Variants in APP observed in about 807,000 individuals in gnomAD.
APP encodes amyloid beta precursor protein.
Under a neutral mutation model 101.4 loss-of-function variants are expected in APP, and 31 were observed. The observed-to-expected ratio is 0.31, with a 90% CI of 0.23 to 0.41. The LOEUF (loss-of-function observed/expected upper bound fraction) is 0.41. Among genes scored for constraint, APP ranks in the 10% least tolerant of loss-of-function variants. The probability of loss-of-function intolerance (pLI) is 1.00; values close to 1 mark genes in which losing one functional copy is unlikely to be tolerated. For synonymous variants in APP, 366 were observed against 364.4 expected (o/e 1.00, Z -0.05); for missense variants, 839 against 1,003.7 (o/e 0.84, Z 2.22).
chr21:25,989,815 T>A (rs183853257), intron 8 of APP, among the ~76,000 whole-genome samples: 3 of 152,268 alleles, frequency 2.0e-5, no homozygotes. Context: ...ATCATTTATA[T>A]ATGAGTGAAA....
chr21:26,108,197 C>T (rs2062227850), intron 2 of APP, among the ~76,000 whole-genome samples: 1 of 152,136 alleles, frequency 6.6e-6, no homozygotes, highest in Non-Finnish European at 1.5e-5. Flanking sequence ...CTCACTGCCA[C>T]GTGAAACGTC....
At chr21:26,054,000 T>TTA (rs545473601) in intron 3 of APP, among the ~76,000 whole-genome samples, 292 of 152,324 alleles carry the variant, frequency 1.9e-3, no homozygotes, top group African/African-American at 6.7e-3. Flanking sequence ...AAGTCCTACA[T>TTA]GAACTCAGTC....
At chr21:26,002,547 T>A (rs990154220) in intron 6 of APP, among the ~76,000 whole-genome samples, 2 of 152,210 alleles carry the variant, frequency 1.3e-5, no homozygotes, top group Non-Finnish European at 2.9e-5. Context: ...GACACAACAA[T>A]ACCCATTATT....
Position 26,105,068 on chromosome 21 carries a change from CAA to C in APP, c.225+6909_225+6910del, listed in dbSNP as rs10579923. ...ACTAATGGTTTCCACGCATTTTTTT[CAA>C]AAAAAAAAAAAAAAAAAAAGAAGAA... On this transcript the variant is annotated intron_variant, in intron 2 of 17. Coordinates refer to ENST00000346798, the MANE Select transcript of APP (RefSeq NM_000484.4). Among the ~76,000 whole-genome samples the C allele has an allele frequency of 7.5e-3, 825 of 110,478 alleles. 5 individuals are homozygous for C. Among genetic ancestry groups the C allele is most frequent in the African/African-American group, 0.022 (600 of 26,824 alleles). 72.5% of individuals were successfully genotyped at this position (110,478 alleles called of 152,430 possible).
At chr21:25,907,035 T>A (rs1044998455) in intron 14 of APP, among the ~76,000 whole-genome samples, 15 of 152,204 alleles carry the variant, frequency 9.9e-5, no homozygotes, top group African/African-American at 3.4e-4. Flanking sequence ...GAACTTCAGT[T>A]GTGTCACAAA....
intron 5 of APP, among the ~76,000 whole-genome samples, chr21:26,048,728 G>A (rs1256796239): frequency 6.6e-6 from 1 of 152,136 alleles, no homozygotes; most frequent in African/African-American, 2.4e-5. Context: ...AAAAGGTAAA[G>A]CAAGGGTAGT....
At chr21:26,099,625 A>T (rs149720860) in intron 2 of APP, among the ~76,000 whole-genome samples, 2 of 152,376 alleles carry the variant, frequency 1.3e-5, no homozygotes, top group African/African-American at 4.8e-5. Flanking sequence ...ACATTCTTTA[A>T]ATTTTCCTGG....
chr21:26,070,306 A>C (rs539190194), intron 3 of APP, among the ~76,000 whole-genome samples: 1 of 152,344 alleles, frequency 6.6e-6, no homozygotes, highest in African/African-American at 2.4e-5. Context: ...AACAAGGCTT[A>C]GTTTCATTAT....
intron 11 of APP, among the ~76,000 whole-genome samples, chr21:25,965,269 T>C (rs936883545): frequency 1.3e-5 from 2 of 152,250 alleles, no homozygotes; most frequent in Admixed American, 6.5e-5. Context: ...GCAAAAGATA[T>C]GTTCGACTAA....
At chr21:26,074,883 G>A (rs370273173) in intron 3 of APP, among the ~76,000 whole-genome samples, 2 of 152,154 alleles carry the variant, frequency 1.3e-5, no homozygotes, top group African/African-American at 4.8e-5. Context: ...GACATGTGTA[G>A]GATAGGTTTA....
intron 2 of APP, among the ~76,000 whole-genome samples, chr21:26,109,195 A>T (rs1403940444): frequency 2.0e-5 from 3 of 152,228 alleles, no homozygotes; most frequent in Admixed American, 2.0e-4. Flanking sequence ...AACTGGGAAG[A>T]ACCACTCTGT....
At chr21:26,024,054 T>C (rs148100848) in intron 5 of APP, among the ~76,000 whole-genome samples, 83 of 152,300 alleles carry the variant, frequency 5.4e-4, no homozygotes, top group African/African-American at 1.8e-3. Flanking sequence ...TAGGAAATCC[T>C]TGTGGAAATC....
intron 13 of APP, among the ~76,000 whole-genome samples, chr21:25,920,746 C>T (rs1569057645): frequency 6.8e-6 from 1 of 147,114 alleles, no homozygotes; most frequent in Non-Finnish European, 1.5e-5. Flanking sequence ...GAGTGACCTA[C>T]AAAGAGACTT....
intron 17 of APP, among the ~76,000 whole-genome samples, chr21:25,889,372 C>T (rs545999204): frequency 1.3e-5 from 2 of 152,224 alleles, no homozygotes; most frequent in African/African-American, 4.8e-5. Context: ...CTGGCTGATA[C>T]CTTGATCTTA....
intron 8 of APP, among the ~76,000 whole-genome samples, chr21:25,990,578 G>C (rs775627507): frequency 2.2e-4 from 33 of 152,170 alleles, no homozygotes; most frequent in Non-Finnish European, 3.7e-4. Flanking sequence ...CTCAATAGAT[G>C]AGTTCGAAAA....
chr21:25,977,845 C>A (rs2146582944), intron 9 of APP, among the ~76,000 whole-genome samples: 1 of 152,266 alleles, frequency 6.6e-6, no homozygotes, highest in East Asian at 1.9e-4. Context: ...AACCTGTGGG[C>A]AAGGGGGAAA....
At chr21:25,983,500 A>T (rs45475796) in intron 8 of APP, among the ~76,000 whole-genome samples, 5,246 of 152,308 alleles carry the variant, frequency 0.034, 124 homozygotes, top group Middle Eastern at 0.083. Context: ...ATTGATAGCT[A>T]AGTCATTTTG....
Position 26,021,915 on chromosome 21 carries a change from C to T in APP, c.790G>A (p.Glu264Lys). ...ATGCTGGTGGTTCTCTCTGTGGCTT[C>T]TTCGTAGGGTTCCTCAGCCTCTTCC... ...VEEEAEEPYE[E>K]ATERTTSIAT... The change falls in exon 6 of 18, where the codon GAA becomes AAA. Residue 264 changes from glutamate to lysine, a missense_variant. Coordinates refer to ENST00000346798, the MANE Select transcript of APP (RefSeq NM_000484.4). 1 of 1,613,220 alleles carries T rather than the reference C, an allele frequency of 6.2e-7. No homozygotes were observed. The highest frequency in any genetic ancestry group is 2.2e-5 in the East Asian group (1 of 44,820).
At chr21:25,977,669 G>C (rs755980504) in intron 9 of APP, among the ~76,000 whole-genome samples, 9 of 152,156 alleles carry the variant, frequency 5.9e-5, no homozygotes, top group Non-Finnish European at 2.9e-5. Flanking sequence ...GAGGAAACAA[G>C]ATGGAATAAA....
Sources: gnomAD v4.1 joint callset for allele counts (sites outside exome capture counted in the v4.1 genomes callset) on GRCh38, gnomAD v4.1.1 for gene constraint, MANE v1.5 for transcripts, NCBI Gene and HGNC (gene_info 2026-07-23, HGNC 2026-07-21) for gene names.